PLEKHA5: variants seen among roughly 807,000 people sequenced by gnomAD.
PLEKHA5 encodes the protein pleckstrin homology domain-containing family A member 5.
A neutral mutation model predicts 181.9 loss-of-function variants in PLEKHA5; 55 were observed. That is an observed-to-expected ratio of 0.30 (90% confidence interval 0.24 to 0.38). The LOEUF (loss-of-function observed/expected upper bound fraction) is 0.38. PLEKHA5 is among the 10% of genes least tolerant of loss of function. PLEKHA5 has a pLI of 1.00. For synonymous variants in PLEKHA5, 535 were observed against 529.4 expected, an observed-to-expected ratio of 1.01 and a Z score of -0.15; for missense variants, 1,432 against 1,549.5, an observed-to-expected ratio of 0.92 and a Z score of 1.27.
intron 7 of PLEKHA5, among the ~76,000 whole-genome samples, chr12:19,265,134 A>T: frequency 6.6e-6 from 1 of 152,244 alleles, no homozygotes; most frequent in African/African-American, 2.4e-5. Context: ...TATATAGCAT[A>T]GTTCAAATAT....
intron 3 of PLEKHA5, among the ~76,000 whole-genome samples, chr12:19,221,422 A>G (rs1436817221): frequency 6.6e-6 from 1 of 152,194 alleles, no homozygotes; most frequent in Non-Finnish European, 1.5e-5. Flanking sequence ...TTATTCCCAT[A>G]CACGTTCTGG....
intron 4 of PLEKHA5, among the ~76,000 whole-genome samples, 182 bp downstream of exon 4, chr12:19,254,205 G>T (rs533406568): frequency 6.6e-6 from 1 of 152,234 alleles, no homozygotes; most frequent in African/African-American, 2.4e-5. Context: ...TTTTCATGAA[G>T]AATGTAATTT....
At chr12:19,269,667 A>C in intron 8 of PLEKHA5, 103 bp from the exon 9 acceptor site, 1 of 572,740 alleles carries the variant, frequency 1.7e-6, no homozygotes, top group African/African-American at 1.9e-5. Context: ...TTTCTCTGAA[A>C]TTTGATAGCA....
At chr12:19,155,671 T>C (rs2041518410) in intron 3 of PLEKHA5, among the ~76,000 whole-genome samples, 1 of 152,222 alleles carries the variant, frequency 6.6e-6, no homozygotes, top group Admixed American at 6.5e-5. Flanking sequence ...TGTTACTACT[T>C]TGCACTAAGA....
intron 3 of PLEKHA5, among the ~76,000 whole-genome samples, chr12:19,250,150 A>C (rs764158517): frequency 2.6e-5 from 4 of 152,190 alleles, no homozygotes; most frequent in Non-Finnish European, 5.9e-5. Flanking sequence ...GTCTAGACCT[A>C]TATATTAAAA....
intron 21 of PLEKHA5, among the ~76,000 whole-genome samples, chr12:19,342,624 A>G (rs894993415): frequency 6.6e-6 from 1 of 151,964 alleles, no homozygotes; most frequent in African/African-American, 2.4e-5. Context: ...TCGTTGCACA[A>G]AATACAAAAA....
intron 3 of PLEKHA5, among the ~76,000 whole-genome samples, chr12:19,183,924 A>G (rs1183912722): frequency 6.6e-6 from 1 of 152,060 alleles, no homozygotes; most frequent in East Asian, 1.9e-4. Context: ...CATGTTGGCC[A>G]GGCTGGTCTC....
intron 10 of PLEKHA5, among the ~76,000 whole-genome samples, chr12:19,273,586 T>C (rs963674424): frequency 1.3e-5 from 2 of 152,138 alleles, no homozygotes; most frequent in African/African-American, 4.8e-5. Flanking sequence ...CTTGGCAGTT[T>C]CGTGCAGGTT....
chr12:19,197,393 T>C (rs1320368330), intron 3 of PLEKHA5, among the ~76,000 whole-genome samples: 2 of 152,176 alleles, frequency 1.3e-5, no homozygotes, highest in East Asian at 3.9e-4. Context: ...CCTTTTCCTC[T>C]GCCTGTCTTT....
chr12:19,333,504 A>G (rs1387498956), intron 20 of PLEKHA5, among the ~76,000 whole-genome samples: 5 of 147,920 alleles, frequency 3.4e-5, no homozygotes, highest in Non-Finnish European at 6.0e-5. Context: ...CAGAAGAATC[A>G]CTTGAACCCG....
At chr12:19,311,596 C>G (rs1329501078) in intron 15 of PLEKHA5, among the ~76,000 whole-genome samples, 2 of 152,162 alleles carry the variant, frequency 1.3e-5, no homozygotes, top group Non-Finnish European at 1.5e-5. Flanking sequence ...CAAGAAACTA[C>G]TTTCTTTGCT....
chr12:19,138,000 G>C (rs1002427470), intron 3 of PLEKHA5, among the ~76,000 whole-genome samples: 8 of 152,222 alleles, frequency 5.3e-5, no homozygotes, highest in Middle Eastern at 3.4e-3. Flanking sequence ...AGACCCCTTC[G>C]TTTCTTCTTA....
At chr12:19,211,178 G>A (rs1486511789) in intron 3 of PLEKHA5, among the ~76,000 whole-genome samples, 1 of 152,056 alleles carries the variant, frequency 6.6e-6, no homozygotes, top group Non-Finnish European at 1.5e-5. Flanking sequence ...CCTACACTTT[G>A]TTCTTTGGTT....
chr12:19,153,623 A>G (rs2040986846), intron 3 of PLEKHA5: 1 of 152,144 alleles, frequency 6.6e-6, no homozygotes, highest in South Asian at 2.1e-4. Flanking sequence ...CCCAAAGTTC[A>G]TAGTTTACCT....
intron 3 of PLEKHA5, among the ~76,000 whole-genome samples, chr12:19,253,196 T>C (rs1320701539): frequency 6.8e-6 from 1 of 146,134 alleles, no homozygotes; most frequent in East Asian, 2.2e-4. Context: ...TGCCTCAGCC[T>C]CCCGAGTAGC....
chr12:19,320,322 A>G (rs570378017), intron 17 of PLEKHA5, among the ~76,000 whole-genome samples: 1 of 152,196 alleles, frequency 6.6e-6, no homozygotes, highest in East Asian at 1.9e-4. Context: ...CCAGCATATT[A>G]TTATGTTTAA....
chr12:19,313,910 A>T (rs930025481), intron 15 of PLEKHA5, among the ~76,000 whole-genome samples: 3 of 152,124 alleles, frequency 2.0e-5, no homozygotes, highest in African/African-American at 7.2e-5. Flanking sequence ...TTTGTTGTAG[A>T]CTTAGCTGAA....
At chr12:19,132,340 C>A in intron 2 of PLEKHA5, 53 bp from the exon 3 acceptor site, 1 of 864,092 alleles carries the variant, frequency 1.2e-6, no homozygotes, top group Non-Finnish European at 1.9e-6. Flanking sequence ...TGGATTGAGA[C>A]TTATTTTGCT....
rs1198741276 is a variant in PLEKHA5 at position 19,354,444 on chromosome 12, C to G, written c.3138+442C>G. On this transcript the variant is annotated intron_variant, in intron 26 of 31. Transcript: ENST00000429027. ...CTGGGATTACAGGTGTGAGCCACCG[C>G]CCCCCAGCCCGATCTTAGTTATTCT... 1.4e-5 allele frequency among the ~76,000 whole-genome samples: 2 copies of G among 146,170 alleles called. 1 individual carries two copies. The highest frequency in any genetic ancestry group is 1.4e-4 in the Admixed American group (2 of 14,504).
Sources: gnomAD v4.1 joint callset for allele counts (sites outside exome capture counted in the v4.1 genomes callset) on GRCh38, gnomAD v4.1.1 for gene constraint, MANE v1.5 for transcripts, NCBI Gene and HGNC (gene_info 2026-07-23, HGNC 2026-07-21) for gene names.